SPIDR: variants seen among roughly 807,000 people sequenced by gnomAD.
The protein encoded by SPIDR is scaffold protein involved in DNA repair, also known as DNA repair-scaffolding protein.
A neutral mutation model predicts 104.6 loss-of-function variants in SPIDR; 93 were observed. The ratio of observed to expected loss-of-function variants is 0.89; its 90% CI spans 0.75 to 1.06. SPIDR has a LOEUF of 1.06. SPIDR is among the 50% of genes least tolerant of loss of function. SPIDR has a pLI of 0.00. For synonymous variants in SPIDR, 431 were observed against 416.9 expected (o/e 1.03, Z -0.41); for missense variants, 1,154 against 1,111.2 (o/e 1.04, Z -0.55).
intron 10 of SPIDR, among the ~76,000 whole-genome samples, chr8:47,658,029 C>CAAAAAAAAAAAAAAAAAAAAAA (rs34648437): frequency 3.6e-4 from 27 of 76,028 alleles, no homozygotes; most frequent in Non-Finnish European, 5.4e-4. Context: ...GACCCTGTCT[C>CAAAAAAAAAAAAAAAAAAAAAA]AAAAAAAAAA....
intron 8 of SPIDR, among the ~76,000 whole-genome samples, chr8:47,583,235 G>A (rs1426748879): frequency 1.3e-5 from 2 of 151,526 alleles, no homozygotes; most frequent in Non-Finnish European, 2.9e-5. Flanking sequence ...GAACCCAGGA[G>A]GCGGAGCGTG....
chr8:47,570,964 G>A (rs1226415489), intron 8 of SPIDR, among the ~76,000 whole-genome samples: 2 of 151,964 alleles, frequency 1.3e-5, no homozygotes, highest in African/African-American at 4.8e-5. Flanking sequence ...AGTGGTGGGC[G>A]CCTGTAGTCC....
chr8:47,688,050 C>T (rs1370512281), intron 11 of SPIDR, among the ~76,000 whole-genome samples: 6 of 90,604 alleles, frequency 6.6e-5, no homozygotes, highest in Admixed American at 1.4e-4. Flanking sequence ...TGTGTGCATG[C>T]GTATAGGTTT....
intron 11 of SPIDR, among the ~76,000 whole-genome samples, chr8:47,695,333 C>T (rs2079178247): frequency 6.6e-6 from 1 of 151,850 alleles, no homozygotes; most frequent in Non-Finnish European, 1.5e-5. Flanking sequence ...TTAGCAGCAA[C>T]ATGACAAATT....
intron 11 of SPIDR, among the ~76,000 whole-genome samples, chr8:47,693,394 A>G (rs189248847): frequency 2.0e-5 from 3 of 152,378 alleles, no homozygotes; most frequent in South Asian, 2.1e-4. Flanking sequence ...GGCTCATGAA[A>G]AATTCTCATA....
intron 7 of SPIDR, among the ~76,000 whole-genome samples, chr8:47,434,584 A>T (rs995805086): frequency 6.6e-6 from 1 of 152,216 alleles, no homozygotes; most frequent in Non-Finnish European, 1.5e-5. Flanking sequence ...TTATGTTATG[A>T]AAAGTATTTC....
chr8:47,460,845 C>T (rs889584850), intron 8 of SPIDR, among the ~76,000 whole-genome samples: 1 of 152,168 alleles, frequency 6.6e-6, no homozygotes, highest in African/African-American at 2.4e-5. Context: ...TCTCATAGTG[C>T]TGGCTTGGTA....
chr8:47,556,132 G>A (rs1236035088), intron 8 of SPIDR, among the ~76,000 whole-genome samples: 3 of 152,140 alleles, frequency 2.0e-5, no homozygotes, highest in African/African-American at 7.2e-5. Flanking sequence ...TCTCTGCTAG[G>A]CCAAAGAGAA....
At chr8:47,457,508 A>G (rs1171838632) in intron 8 of SPIDR, among the ~76,000 whole-genome samples, 1 of 152,036 alleles carries the variant, frequency 6.6e-6, no homozygotes, top group Admixed American at 6.6e-5. Context: ...ACTTTGTCAG[A>G]TATATAGATT....
intron 8 of SPIDR, among the ~76,000 whole-genome samples, chr8:47,594,363 T>C (rs185100422): frequency 1.6e-3 from 248 of 151,290 alleles, no homozygotes; most frequent in African/African-American, 5.7e-3. Flanking sequence ...TAAGACTCCA[T>C]CTCAAAAAAA....
intron 10 of SPIDR, among the ~76,000 whole-genome samples, chr8:47,669,440 G>A (rs2075490357): frequency 6.6e-6 from 1 of 152,196 alleles, no homozygotes; most frequent in Non-Finnish European, 1.5e-5. Context: ...CTGAGCTGCA[G>A]CTGTGTGAGC....
chr8:47,513,816 T>G (rs1407276024), intron 8 of SPIDR, among the ~76,000 whole-genome samples: 2 of 152,222 alleles, frequency 1.3e-5, no homozygotes, highest in African/African-American at 4.8e-5. Flanking sequence ...AGCTTTAAAA[T>G]GGCTACAAGT....
chr8:47,502,860 G>T (rs1028625717), intron 8 of SPIDR, among the ~76,000 whole-genome samples: 10 of 152,210 alleles, frequency 6.6e-5, no homozygotes, highest in Non-Finnish European at 1.2e-4. Flanking sequence ...TGGTTTCAAA[G>T]AACATCTTTA....
chr8:47,344,162 G>A (rs1274513237), intron 5 of SPIDR, among the ~76,000 whole-genome samples: 1 of 143,382 alleles, frequency 7.0e-6, no homozygotes, highest in East Asian at 2.1e-4. Context: ...TATTCCCCAC[G>A]CTGTGTCCAA....
At chr8:47,393,613 C>CTCTTT (rs1264459336) in intron 5 of SPIDR, among the ~76,000 whole-genome samples, 1 of 152,036 alleles carries the variant, frequency 6.6e-6, no homozygotes, top group Non-Finnish European at 1.5e-5. Flanking sequence ...GGAAGCAAAC[C>CTCTTT]TCTTTTCTTT....
chr8:47,718,598 C>T (rs565597994), intron 16 of SPIDR, among the ~76,000 whole-genome samples: 101 of 151,764 alleles, frequency 6.7e-4, no homozygotes, highest in African/African-American at 2.2e-3. Context: ...GAATTACTAT[C>T]CTCATGGTTT....
intron 8 of SPIDR, among the ~76,000 whole-genome samples, chr8:47,543,961 T>C (rs2088757134): frequency 6.6e-6 from 1 of 152,148 alleles, no homozygotes; most frequent in African/African-American, 2.4e-5. Context: ...TGGTTTCCGC[T>C]TACTCCTTAG....
chr8:47,362,959 C>G (rs2056377194), intron 5 of SPIDR, among the ~76,000 whole-genome samples: 1 of 151,210 alleles, frequency 6.6e-6, no homozygotes, highest in Admixed American at 6.6e-5. Flanking sequence ...AGCCAGTGTT[C>G]TTTTTTCTGG....
intron 1 of SPIDR, among the ~76,000 whole-genome samples, chr8:47,263,448 G>A (rs1281942726): frequency 1.3e-5 from 2 of 151,654 alleles, no homozygotes; most frequent in East Asian, 3.9e-4. Flanking sequence ...GCAGTGGCGC[G>A]ATCTCGGTAC....
Sources: allele counts gnomAD v4.1 joint callset (sites outside exome capture counted in the v4.1 genomes callset), GRCh38; gene constraint gnomAD v4.1.1; transcripts MANE v1.5; gene names NCBI Gene and HGNC (gene_info 2026-07-23, HGNC 2026-07-21).